Variants in CEP128 observed in about 807,000 individuals in gnomAD.
CEP128 encodes centrosomal protein 128.
A neutral mutation model predicts 156.7 loss-of-function variants in CEP128; 132 were observed. The ratio of observed to expected loss-of-function variants is 0.84; its 90% CI spans 0.73 to 0.97. CEP128 has a LOEUF of 0.97. CEP128 is among the 50% of genes least tolerant of loss of function. The pLI, the probability that CEP128 is intolerant of heterozygous loss-of-function variation, is 0.00. For missense variants in CEP128, 1,252 were observed against 1,281.9 expected (o/e 0.98, Z 0.36); for synonymous variants, 469 against 448.9 (o/e 1.04, Z -0.57).
chr14:80,652,319 C>T (rs1480238143), intron 19 of CEP128, among the ~76,000 whole-genome samples: 9 of 152,046 alleles, frequency 5.9e-5, no homozygotes, highest in Non-Finnish European at 1.2e-4. Context: ...AAAGCAATGG[C>T]AACAAAAGCC....
At chr14:80,492,396 C>T (rs1010242755), downstream of CEP128, among the ~76,000 whole-genome samples, 8 of 152,216 alleles carry the variant, frequency 5.3e-5, no homozygotes, top group Middle Eastern at 3.4e-3. Context: ...TCACTAACTC[C>T]GCTTGCAACT....
chr14:80,923,578 T>C (rs973792980), intron 2 of CEP128, among the ~76,000 whole-genome samples: 6 of 152,182 alleles, frequency 3.9e-5, no homozygotes, highest in Admixed American at 3.3e-4. Flanking sequence ...GACTGACTAG[T>C]GCATGTTAAG....
chr14:80,565,271 C>A (rs1166924334), intron 20 of CEP128, among the ~76,000 whole-genome samples: 13 of 152,088 alleles, frequency 8.5e-5, no homozygotes, highest in Non-Finnish European at 1.6e-4. Flanking sequence ...TGCCATCCCA[C>A]CCAAAAACAG....
intron 21 of CEP128, among the ~76,000 whole-genome samples, chr14:80,534,002 C>G (rs1409049397): frequency 6.6e-6 from 1 of 152,136 alleles, no homozygotes; most frequent in Admixed American, 6.5e-5. Flanking sequence ...ATTGCATGCA[C>G]AAATGCTGAA....
At position 80,743,106 on chromosome 14, in the gene CEP128, C is replaced by T; in HGVS notation, c.2775G>A (p.Gln925=). 1 of 1,613,710 alleles carries T rather than the reference C, an allele frequency of 6.2e-7. No homozygotes were observed. Among genetic ancestry groups the T allele is most frequent in the Non-Finnish European group, 8.5e-7 (1 of 1,179,788 alleles). ...TCTCACGATGTATTTCATCCAGAAG[C>T]TGCTCCTGCCTTTCTATCTGTTGAA... ...CLFQQIERQE[Q]LLDEIHREKR... Residue 925 remains glutamine (Q), a synonymous_variant, in exon 19 of 25, where the codon CAG becomes CAA. Coordinates refer to ENST00000555265, the MANE Select transcript of CEP128 (RefSeq NM_152446.5).
At chr14:80,788,509 A>G (rs1460915651) in intron 14 of CEP128, among the ~76,000 whole-genome samples, 1 of 152,034 alleles carries the variant, frequency 6.6e-6, no homozygotes, top group South Asian at 2.1e-4. Flanking sequence ...GTTTCAACCT[A>G]AACTTGTCTT....
chr14:80,866,859 A>C (rs7159966), intron 8 of CEP128, among the ~76,000 whole-genome samples: 10,044 of 152,208 alleles, frequency 0.066, 1,086 homozygotes, highest in African/African-American at 0.23. Context: ...CTACAAGAGA[A>C]TACAGTAGTC....
At chr14:80,585,338 T>C (rs1050672112) in intron 19 of CEP128, among the ~76,000 whole-genome samples, 1 of 152,194 alleles carries the variant, frequency 6.6e-6, no homozygotes, top group Non-Finnish European at 1.5e-5. Context: ...TTTAAGGAGG[T>C]TTGACACTTT....
chr14:80,719,303 A>G (rs189067585), intron 19 of CEP128, among the ~76,000 whole-genome samples: 4 of 152,342 alleles, frequency 2.6e-5, no homozygotes, highest in Non-Finnish European at 4.4e-5. Flanking sequence ...CTTTGGACTC[A>G]TGGTGCAATG....
rs79909915 is a variant in CEP128, at chr14:80,902,039, C to T, written c.481-2010G>A. On this transcript the variant is annotated intron_variant, in intron 6 of 24. Coordinates refer to ENST00000555265, the MANE Select transcript of CEP128 (RefSeq NM_152446.5). ...TTTGTTCTACCTAGAATGACTCTTA[C>T]TCAACTTTCAGATCTCAGCTCAGTC... is the stretch of plus-strand genomic sequence containing the variant. Among the ~76,000 whole-genome samples the T allele has an allele frequency of 7.1e-3, 1,085 of 152,276 alleles. 10 individuals are homozygous for T. Among genetic ancestry groups the T allele is most frequent in the African/African-American group, 0.025 (1,025 of 41,554 alleles).
chr14:80,572,086 C>A (rs1195669538), intron 20 of CEP128, among the ~76,000 whole-genome samples: 1 of 152,222 alleles, frequency 6.6e-6, no homozygotes, highest in African/African-American at 2.4e-5. Context: ...CAGACCATCA[C>A]CCTTTGGGCT....
intron 20 of CEP128, among the ~76,000 whole-genome samples, chr14:80,576,481 G>A (rs927936874): frequency 2.6e-5 from 4 of 152,154 alleles, no homozygotes; most frequent in African/African-American, 9.7e-5. Context: ...AAGCTGTATT[G>A]TTAAAAATCA....
intron 16 of CEP128, among the ~76,000 whole-genome samples, chr14:80,764,979 C>G (rs1030080571): frequency 3.9e-5 from 6 of 152,140 alleles, no homozygotes; most frequent in African/African-American, 1.4e-4. Context: ...CATACTTCAG[C>G]AGTTATAATT....
chr14:80,548,970 C>A (rs944391562), intron 21 of CEP128, among the ~76,000 whole-genome samples: 7 of 152,286 alleles, frequency 4.6e-5, no homozygotes, highest in Non-Finnish European at 7.3e-5. Flanking sequence ...CAAGGTTGTA[C>A]CTCTGCATAA....
intron 19 of CEP128, among the ~76,000 whole-genome samples, chr14:80,700,163 T>C (rs575815087): frequency 6.6e-6 from 1 of 152,252 alleles, no homozygotes; most frequent in African/African-American, 2.4e-5. Flanking sequence ...AATGACATGC[T>C]TCAGCAGGCA....
intron 18 of CEP128, among the ~76,000 whole-genome samples, chr14:80,755,002 G>A (rs2139656437): frequency 6.6e-6 from 1 of 152,280 alleles, no homozygotes; most frequent in African/African-American, 2.4e-5. Flanking sequence ...GCCTGGGTGT[G>A]TCTGTGAGGG....
At chr14:80,867,899 T>C (rs1284590033) in intron 8 of CEP128, among the ~76,000 whole-genome samples, 1 of 152,064 alleles carries the variant, frequency 6.6e-6, no homozygotes, top group Non-Finnish European at 1.5e-5. Flanking sequence ...GAGATCTTAC[T>C]GAAACGCACA....
At chr14:80,573,025 C>T (rs1423554777) in intron 20 of CEP128, among the ~76,000 whole-genome samples, 7 of 152,032 alleles carry the variant, frequency 4.6e-5, no homozygotes, top group African/African-American at 1.2e-4. Context: ...CAGGTTCAAG[C>T]GATTCTCCTG....
At chr14:80,884,356 A>G (rs533190529) in intron 8 of CEP128, among the ~76,000 whole-genome samples, 23 of 152,360 alleles carry the variant, frequency 1.5e-4, no homozygotes, top group African/African-American at 4.8e-4. Flanking sequence ...ACCATTATAC[A>G]GAGAGCTGTC....
Sources: gnomAD v4.1 joint callset for allele counts (sites outside exome capture counted in the v4.1 genomes callset) on GRCh38, gnomAD v4.1.1 for gene constraint, MANE v1.5 for transcripts, NCBI Gene and HGNC (gene_info 2026-07-23, HGNC 2026-07-21) for gene names.